ZFHX3: variants seen among roughly 807,000 people sequenced by gnomAD.
The protein encoded by ZFHX3 is zinc finger homeobox protein 3.
A neutral mutation model predicts 279.1 loss-of-function variants in ZFHX3; 42 were observed. The observed-to-expected ratio is 0.15, with a 90% confidence interval of 0.12 to 0.19. The LOEUF (loss-of-function observed/expected upper bound fraction) is 0.19, where lower values mean the gene tolerates loss of function less well. ZFHX3 is among the 10% of genes least tolerant of loss of function. The pLI is 1.00. For synonymous variants in ZFHX3, 2,293 were observed against 1,957.8 expected, an observed-to-expected ratio of 1.17 and a Z score of -4.52; for missense variants, 4,981 against 4,754.0, an observed-to-expected ratio of 1.05 and a Z score of -1.40.
At chr16:73,427,327 T>C (rs2017826871) in intron 3 of ZFHX3, among the ~76,000 whole-genome samples, 1 of 152,162 alleles carries the variant, frequency 6.6e-6, no homozygotes, top group South Asian at 2.1e-4. Context: ...ACCATCATTC[T>C]GGGGCCCTCA....
intron 4 of ZFHX3, among the ~76,000 whole-genome samples, chr16:73,316,086 T>G (rs1442143717): frequency 1.3e-5 from 2 of 152,142 alleles, no homozygotes; most frequent in African/African-American, 2.4e-5. Context: ...TGTTGGATGT[T>G]TTATCACAAA....
intron 1 of ZFHX3, among the ~76,000 whole-genome samples, chr16:73,794,506 T>G (rs535428360): frequency 1.3e-5 from 2 of 152,184 alleles, no homozygotes; most frequent in Admixed American, 1.3e-4. Flanking sequence ...CACCTTTAGG[T>G]TGCATGGTCC....
At chr16:73,035,065 C>A (rs547758108) in intron 1 of ZFHX3, among the ~76,000 whole-genome samples, 2 of 152,156 alleles carry the variant, frequency 1.3e-5, no homozygotes, top group Non-Finnish European at 1.5e-5. Context: ...TAGCCACCGA[C>A]CCTTGTCACT....
At chr16:73,297,741 G>T (rs192233753) in intron 4 of ZFHX3, among the ~76,000 whole-genome samples, 139 of 152,062 alleles carry the variant, frequency 9.1e-4, no homozygotes, top group Non-Finnish European at 1.6e-3. Flanking sequence ...TTTATTACGT[G>T]ACCTTGGGCA....
intron 2 of ZFHX3, among the ~76,000 whole-genome samples, chr16:73,479,534 T>C (rs2018827990): frequency 6.6e-6 from 1 of 152,192 alleles, no homozygotes; most frequent in Non-Finnish European, 1.5e-5. Flanking sequence ...GCTGCACTCC[T>C]GAGACATCCC....
At chr16:73,389,714 A>G (rs60279616) in intron 3 of ZFHX3, among the ~76,000 whole-genome samples, 11,890 of 152,226 alleles carry the variant, frequency 0.078, 1,017 homozygotes, top group South Asian at 0.21. Flanking sequence ...ATTTCCACCC[A>G]CTGGTTCCCA....
rs201850374 is a variant in ZFHX3 at position 72,884,072 on chromosome 16, A to G, written c.3448+5659T>C. Among the ~76,000 whole-genome samples, 7 of 152,192 alleles carry G rather than the reference A, an allele frequency of 4.6e-5. No individual in the cohort carries two copies. In the East Asian group the frequency reaches 1.3e-3, roughly 29 times the overall value. On this transcript the variant is annotated intron_variant, in intron 4 of 9. Coordinates refer to ENST00000268489, the MANE Select transcript of ZFHX3 (RefSeq NM_006885.4). Reference sequence around the variant, plus strand: ...ATATTTAGAGGGCAGCCTTACACCAACTTTGCAAAATAAAAACAAAATCAA... The same window carrying G: ...ATATTTAGAGGGCAGCCTTACACCAGCTTTGCAAAATAAAAACAAAATCAA...
chr16:73,626,658 C>A (rs2052419922), intron 2 of ZFHX3, among the ~76,000 whole-genome samples: 1 of 152,124 alleles, frequency 6.6e-6, no homozygotes, highest in African/African-American at 2.4e-5. Context: ...CTCTGGAATG[C>A]TGTCCCTCTT....
intron 2 of ZFHX3, among the ~76,000 whole-genome samples, chr16:73,658,598 T>C (rs2052747562): frequency 6.6e-6 from 1 of 152,150 alleles, no homozygotes; most frequent in South Asian, 2.1e-4. Flanking sequence ...CCGCCGTGCC[T>C]GGCCAGAAAT....
chr16:73,016,111 C>T (rs1964095426), intron 1 of ZFHX3: 1 of 152,268 alleles, frequency 6.6e-6, no homozygotes, highest in Non-Finnish European at 1.5e-5. Flanking sequence ...ATTTCTATCC[C>T]AGGCTCCTCC....
chr16:73,844,400 T>C (rs1282266258), intron 1 of ZFHX3, among the ~76,000 whole-genome samples: 1 of 151,926 alleles, frequency 6.6e-6, no homozygotes, highest in Non-Finnish European at 1.5e-5. Context: ...TGAGTGAAGA[T>C]GAGAAAAGGA....
chr16:73,534,547 C>G (rs959591345), intron 2 of ZFHX3, among the ~76,000 whole-genome samples: 2 of 152,174 alleles, frequency 1.3e-5, no homozygotes, highest in Admixed American at 1.3e-4. Context: ...CTATTTTGCT[C>G]ACTGATAGAT....
intron 3 of ZFHX3, among the ~76,000 whole-genome samples, chr16:73,325,928 A>AAAACACAC (rs368062772): frequency 5.5e-5 from 8 of 145,492 alleles, no homozygotes; most frequent in Non-Finnish European, 9.1e-5. Flanking sequence ...CACACACACA[A>AAAACACAC]ACACACACAC....
intron 4 of ZFHX3, among the ~76,000 whole-genome samples, chr16:73,260,185 G>C (rs2013779261): frequency 6.6e-6 from 1 of 152,086 alleles, no homozygotes; most frequent in Admixed American, 6.6e-5. Flanking sequence ...CTCATGATTA[G>C]ATTCAGGGTA....
At chr16:72,811,444 A>G in intron 7 of ZFHX3, 133 bp downstream of exon 7, 1 of 1,004,906 alleles carries the variant, frequency 1.0e-6, no homozygotes, top group Non-Finnish European at 1.4e-6. Context: ...AAGGTCACAG[A>G]ACAAGGACTG....
intron 3 of ZFHX3, among the ~76,000 whole-genome samples, chr16:73,355,426 T>G (rs922402076): frequency 2.0e-5 from 3 of 152,122 alleles, no homozygotes; most frequent in African/African-American, 4.8e-5. Flanking sequence ...GGAGTTCCTC[T>G]CTCAAGCCAC....
chr16:72,848,370 C>G (rs1597306208), intron 4 of ZFHX3, among the ~76,000 whole-genome samples: 1 of 152,094 alleles, frequency 6.6e-6, no homozygotes, highest in Non-Finnish European at 1.5e-5. Context: ...TGTTTATGAT[C>G]AATATGCAAA....
chr16:73,835,851 G>T (rs2142363424), intron 1 of ZFHX3, among the ~76,000 whole-genome samples: 1 of 152,154 alleles, frequency 6.6e-6, no homozygotes, highest in Non-Finnish European at 1.5e-5. Flanking sequence ...AGTAGTCAAG[G>T]GTGTTTTTCA....
intron 7 of ZFHX3, among the ~76,000 whole-genome samples, chr16:73,129,653 CATGT>C (rs1283892686): frequency 6.6e-6 from 1 of 150,874 alleles, no homozygotes; most frequent in Non-Finnish European, 1.5e-5. Context: ...TGCGTGTGTG[CATGT>C]ATGTGTGCCC....
Sources: gnomAD v4.1 joint callset for allele counts (sites outside exome capture counted in the v4.1 genomes callset) on GRCh38, gnomAD v4.1.1 for gene constraint, MANE v1.5 for transcripts, NCBI Gene and HGNC (gene_info 2026-07-23, HGNC 2026-07-21) for gene names.